Variants in USP20 observed in about 807,000 individuals in gnomAD.
The protein encoded by USP20 is ubiquitin carboxyl-terminal hydrolase 20.
In USP20, 80 loss-of-function variants were observed where a neutral mutation model predicts 124.2. That is an observed-to-expected ratio of 0.64 (90% CI 0.54 to 0.78). The LOEUF (loss-of-function observed/expected upper bound fraction) is 0.78. USP20 is among the 30% of genes least tolerant of loss of function. The pLI is 0.00. For missense variants in USP20, 1,043 were observed against 1,244.4 expected (o/e 0.84, Z 2.44); for synonymous variants, 481 against 512.3 (o/e 0.94, Z 0.83).
chr9:129,837,345 A>G (rs1288108633), intron 1 of USP20, among the ~76,000 whole-genome samples: 1 of 152,058 alleles, frequency 6.6e-6, no homozygotes, highest in Non-Finnish European at 1.5e-5. Flanking sequence ...TACAGATTCA[A>G]CCTAGGTTTT....
chr9:129,855,134 T>C (rs1232329315), intron 3 of USP20, among the ~76,000 whole-genome samples: 1 of 152,156 alleles, frequency 6.6e-6, no homozygotes, highest in Non-Finnish European at 1.5e-5. Context: ...GTGAGCAGTG[T>C]GTAAAGAACT....
chr9:129,866,689 A>G (rs1207191216), intron 10 of USP20, among the ~76,000 whole-genome samples: 1 of 152,232 alleles, frequency 6.6e-6, no homozygotes, highest in Non-Finnish European at 1.5e-5. Context: ...GTGTGGGGAC[A>G]CTTCTGAGGC....
chr9:129,874,925 A>G lies in USP20; in HGVS notation c.2018A>G (p.Gln673Arg). Reference protein sequence around the residue: ...YVTEVHETVVQNAEGYVLFYR... With the variant: ...YVTEVHETVVRNAEGYVLFYR... Reference sequence around the variant, plus strand: ...ACAGAAGTCCACGAGACGGTGGTGCAGAACGCCGAGGGCTACGTACTCTTC... The same window carrying G: ...ACAGAAGTCCACGAGACGGTGGTGCGGAACGCCGAGGGCTACGTACTCTTC... Residue 673 changes from glutamine (Q) to arginine (R), a missense_variant, in exon 19 of 26, where the codon CAG becomes CGG. Coordinates refer to ENST00000372429, the MANE Select transcript of USP20 (RefSeq NM_001110303.4). 3.7e-6 allele frequency: 6 copies of G among 1,614,084 alleles called. No individual in the cohort carries two copies. The highest frequency in any genetic ancestry group is 1.1e-5 in the South Asian group (1 of 91,078).
At position 129,852,564 on chromosome 9, in the gene USP20, C is replaced by T; in HGVS notation, c.9C>T (p.Asp3=). 6.3e-7 allele frequency: 1 copy of T among 1,596,342 alleles called. No homozygotes were observed. Among genetic ancestry groups the T allele is most frequent in the Non-Finnish European group, 8.5e-7 (1 of 1,170,660 alleles). MG[D]SRDLCPHLDS... ...GGTGAGCCCAGGCCAGGATGGGGGA[C>T]TCCAGGGACCTTTGCCCTCACCTTG... Residue 3 remains aspartate, a synonymous_variant, in exon 3 of 26, where the codon GAC becomes GAT. Transcript: ENST00000372429.
At position 129,869,295 on chromosome 9, in the gene USP20, G is replaced by A. The variant is rs747890594; in HGVS notation, c.1277-15G>A. ...GGCAGGTGGAGGCTGGGCTAGTCCT[G>A]TGCTGTGTCCCCAGCCCAGGTATTG... On this transcript the variant is annotated splice_polypyrimidine_tract_variant and intron_variant, in intron 12 of 25. Transcript: ENST00000372429. 3.7e-6 allele frequency: 6 copies of A among 1,611,894 alleles called. No individual in the cohort carries two copies. Among genetic ancestry groups the A allele is most frequent in the Admixed American group, 3.3e-5 (2 of 60,010 alleles).
Position 129,878,386 on chromosome 9 carries a change from A to T in USP20, c.2458A>T (p.Ile820Phe), listed in dbSNP as rs763484112. 6.2e-7 allele frequency: 1 copy of T among 1,610,504 alleles called. No homozygotes were observed. The highest frequency in any genetic ancestry group is 8.5e-7 in the Non-Finnish European group (1 of 1,178,498). The change falls in exon 23 of 26, where the codon ATC becomes TTC. Residue 820 changes from isoleucine to phenylalanine, a missense_variant. By Grantham distance (21) the Ile-to-Phe change is conservative. Coordinates refer to ENST00000372429, the MANE Select transcript of USP20 (RefSeq NM_001110303.4). ...AEESPGVIYCISMQWFREWEA... is the reference protein window; with the variant it reads ...AEESPGVIYCFSMQWFREWEA... ...GGAGTCGCCGGGCGTCATCTACTGC[A>T]TCAGCATGCAGTGGTTCCGGGAGTG...
intron 1 of USP20, among the ~76,000 whole-genome samples, chr9:129,841,346 C>T (rs1031894289): frequency 2.0e-5 from 3 of 152,138 alleles, no homozygotes; most frequent in African/African-American, 7.2e-5. Flanking sequence ...TAGATTAGGG[C>T]CTGCCCTAAA....
intron 23 of USP20, 53 bp downstream of exon 23, chr9:129,878,493 T>C: frequency 1.4e-6 from 2 of 1,471,284 alleles, no homozygotes; most frequent in East Asian, 4.8e-5. Flanking sequence ...TCCTGGGAGA[T>C]GGGATGCTGG....
At chr9:129,876,075 T>G in intron 21 of USP20, 55 bp from the exon 22 acceptor site, 1 of 1,487,636 alleles carries the variant, frequency 6.7e-7, no homozygotes, top group Middle Eastern at 1.7e-4. Context: ...GTGATCACTC[T>G]CCCCTCCCTG....
chr9:129,848,020 G>A (rs980251064), intron 1 of USP20, among the ~76,000 whole-genome samples: 5 of 151,650 alleles, frequency 3.3e-5, no homozygotes, highest in Non-Finnish European at 2.9e-5. Flanking sequence ...CAGGTGGGCC[G>A]AGCACGGTGG....
intron 1 of USP20, among the ~76,000 whole-genome samples, chr9:129,841,768 G>A (rs1308592987): frequency 6.6e-6 from 1 of 152,122 alleles, no homozygotes; most frequent in East Asian, 1.9e-4. Flanking sequence ...CTTTTTCTTT[G>A]ATGTCAAAAG....
chr9:129,865,033 A>G (rs1202371518), intron 9 of USP20, among the ~76,000 whole-genome samples: 1 of 152,230 alleles, frequency 6.6e-6, no homozygotes. Context: ...ATGAAAACAA[A>G]TCATGTTTAG....
intron 10 of USP20, among the ~76,000 whole-genome samples, chr9:129,867,372 G>A (rs1205727938): frequency 2.6e-5 from 4 of 152,328 alleles, no homozygotes; most frequent in South Asian, 4.1e-4. Flanking sequence ...TGGGATTTGA[G>A]ACCCAGGCAG....
At chr9:129,864,090 G>A (rs1588270249) in intron 9 of USP20, among the ~76,000 whole-genome samples, 1 of 139,098 alleles carries the variant, frequency 7.2e-6, no homozygotes, top group East Asian at 2.2e-4. Context: ...TGTTGACAAA[G>A]CGAGACTCTG....
chr9:129,874,591 C>T lies in USP20; in HGVS notation c.1756C>T (p.Leu586=). 6.2e-7 allele frequency: 1 copy of T among 1,613,722 alleles called. No homozygotes were observed. The highest frequency in any genetic ancestry group is 2.2e-5 in the East Asian group (1 of 44,882). Residue 586 remains leucine (L), a synonymous_variant, in exon 18 of 26, where the codon CTA becomes TTA. Transcript: ENST00000372429. ...LRLPEILCIH[L]KRFRHEVMYS... ...GTCCCCGCAGATCCTGTGCATTCAC[C>T]TAAAGCGCTTTCGGCACGAGGTGAT...
chr9:129,879,197 T>G lies in USP20; in HGVS notation c.2513-376T>G, dbSNP rs1272925272. 6.6e-6 allele frequency among the ~76,000 whole-genome samples: 1 copy of G among 152,216 alleles called. No individual in the cohort carries two copies. The highest frequency in any genetic ancestry group is 6.5e-5 in the Admixed American group (1 of 15,282). ...TACCAGCTATGACCTGAGTGGTTACTTCACCTTCCCAGGCCTCGGCTCTGT... is the reference window on the plus strand; with the variant it reads ...TACCAGCTATGACCTGAGTGGTTACGTCACCTTCCCAGGCCTCGGCTCTGT... On this transcript the variant is annotated intron_variant, in intron 23 of 25. Coordinates refer to ENST00000372429, the MANE Select transcript of USP20 (RefSeq NM_001110303.4). This position sits in a 1 kb window ranked among gnomAD's most constrained non-coding sequence, Gnocchi z 4.2.
intron 6 of USP20, among the ~76,000 whole-genome samples, chr9:129,860,348 G>A (rs114574340): frequency 0.016 from 2,095 of 135,092 alleles, 54 homozygotes; most frequent in African/African-American, 0.052. Context: ...AAAAAAAAAC[G>A]TCTACATAAG....
chr9:129,877,242 G>C (rs965252263), intron 22 of USP20, among the ~76,000 whole-genome samples: 4 of 152,358 alleles, frequency 2.6e-5, no homozygotes, highest in Admixed American at 2.6e-4. Context: ...CTGCTGCCTG[G>C]GCATGGTGGC....
chr9:129,875,245 G>C, intron 19 of USP20, 65 bp from the exon 20 acceptor site: 13 of 1,488,106 alleles, frequency 8.7e-6, no homozygotes, highest in Non-Finnish European at 1.2e-5. Context: ...TGGGATGGGG[G>C]CTCTGCATGT....
Sources: allele counts gnomAD v4.1 joint callset (sites outside exome capture counted in the v4.1 genomes callset), GRCh38; gene constraint gnomAD v4.1.1; non-coding constraint Gnocchi (gnomAD v3.1); transcripts MANE v1.5; gene names NCBI Gene and HGNC (gene_info 2026-07-23, HGNC 2026-07-21).